The following NPAS1 variants were observed in gnomAD, a reference collection of about 807,000 sequenced individuals.
The protein encoded by NPAS1 is neuronal PAS domain protein 1, also known as neuronal PAS domain-containing protein 1.
A neutral mutation model predicts 49.2 loss-of-function variants in NPAS1; 29 were observed. That is an observed-to-expected ratio of 0.59 (90% CI 0.44 to 0.80). NPAS1 has a LOEUF of 0.80. Ranked by LOEUF, NPAS1 falls within the 30% of genes least tolerant of loss-of-function variation. The pLI is 0.00. For synonymous variants in NPAS1, 408 were observed against 380.4 expected (o/e 1.07, Z -0.84); for missense variants, 825 against 835.5 (o/e 0.99, Z 0.15).
chr19:47,040,987 AG>A lies in NPAS1; in HGVS notation c.1082del (p.Gly361ValfsTer3). On this transcript the variant is annotated frameshift_variant, in exon 10 of 12. Coordinates refer to ENST00000602212, the MANE Select transcript of NPAS1 (RefSeq NM_002517.4). LOFTEE classifies it high-confidence loss of function. ...CCTGGGCTGGGCCCAGTGCTGGACAAGGGTCAGGTGATGACTGGTTACTACC... is the reference window on the plus strand; with the variant it reads ...CCTGGGCTGGGCCCAGTGCTGGACAAGGTCAGGTGATGACTGGTTACTACC... ...IRQSHVDLLD[K>X]GQVMTGYYRW... The A allele has an allele frequency of 6.7e-7, 1 of 1,499,416 alleles. No individual in the cohort carries two copies. Among genetic ancestry groups the A allele is most frequent in the Non-Finnish European group, 8.9e-7 (1 of 1,123,012 alleles). 92.9% of individuals were successfully genotyped at this position (1,499,416 alleles called of 1,614,324 possible). A position where few individuals can be genotyped will look rare whatever the true frequency, so the allele number is the denominator to read the frequency against.
chr19:47,026,965 A>G (rs186012229), intron 3 of NPAS1, among the ~76,000 whole-genome samples: 218 of 151,926 alleles, frequency 1.4e-3, no homozygotes, highest in African/African-American at 4.0e-3. Context: ...AAAAAAAAAA[A>G]AGAGAGAGAG....
At chr19:47,043,045 G>T in intron 11 of NPAS1, 141 bp downstream of exon 11, 2 of 568,542 alleles carry the variant, frequency 3.5e-6, no homozygotes, top group South Asian at 6.2e-5. Flanking sequence ...GGTGGCTCAC[G>T]CCTGTAATCC....
At chr19:47,027,263 G>C (rs191289387) in intron 3 of NPAS1, among the ~76,000 whole-genome samples, 201 of 152,278 alleles carry the variant, frequency 1.3e-3, no homozygotes, top group African/African-American at 4.4e-3. Context: ...AGTTGAGAAG[G>C]GCAGGTGACG....
chr19:47,024,966 C>T (rs540859768), intron 3 of NPAS1, among the ~76,000 whole-genome samples: 8 of 151,868 alleles, frequency 5.3e-5, no homozygotes, highest in Admixed American at 1.3e-4. Flanking sequence ...CCTGCCACCG[C>T]GCCTGGCTAA....
chr19:47,043,035 G>A (rs964590239), intron 11 of NPAS1, 131 bp downstream of exon 11: 23 of 629,714 alleles, frequency 3.7e-5, no homozygotes, highest in Admixed American at 4.2e-5. Context: ...AGGCCGGTGC[G>A]GTGGCTCACG....
In NPAS1 at chr19:47,037,202, A is replaced by G. The variant is rs916414420; in HGVS notation, c.688+1073A>G. On this transcript the variant is annotated intron_variant, in intron 6 of 11. Transcript: ENST00000602212. ...CCCCATCTCTACTAAAAATACAAAA[A>G]TTAGCCGGGCGTGGTGCAGGTGCCT... Among the ~76,000 whole-genome samples the G allele has an allele frequency of 4.9e-4, 75 of 151,626 alleles. 3 individuals are homozygous for G. The highest frequency in any genetic ancestry group is 1.3e-4 in the Non-Finnish European group (9 of 67,922).
At chr19:47,035,919 G>T (rs1195520178) in intron 5 of NPAS1, 45 bp from the exon 6 acceptor site, 2 of 1,464,682 alleles carry the variant, frequency 1.4e-6, no homozygotes, top group Non-Finnish European at 1.8e-6. Context: ...GAGTTACTGC[G>T]CGCGCACCTC....
chr19:47,027,465 C>T lies in NPAS1; in HGVS notation c.359-4813C>T, dbSNP rs185564193. Reference sequence around the variant, plus strand: ...TCCCTTCTCTCTGCCCCTGGTCTCCCGTCTCTCTGCCCCTGGTCTCCCGTC... The same window carrying T: ...TCCCTTCTCTCTGCCCCTGGTCTCCTGTCTCTCTGCCCCTGGTCTCCCGTC... On this transcript the variant is annotated intron_variant, in intron 3 of 11. Coordinates refer to ENST00000602212, the MANE Select transcript of NPAS1 (RefSeq NM_002517.4). Among the ~76,000 whole-genome samples the T allele has an allele frequency of 2.4e-3, 293 of 121,246 alleles. 11 individuals are homozygous for T. The highest frequency in any genetic ancestry group is 9.4e-3 in the African/African-American group (283 of 30,154). 79.5% of individuals were successfully genotyped at this position (121,246 alleles called of 152,430 possible).
At chr19:47,040,825 C>T in intron 9 of NPAS1, 153 bp from the exon 10 acceptor site, 1 of 692,172 alleles carries the variant, frequency 1.4e-6, no homozygotes. Context: ...CTGACTCTGC[C>T]TCTCTGTGCT....
chr19:47,027,895 A>T (rs2056884396), intron 3 of NPAS1, among the ~76,000 whole-genome samples: 1 of 152,038 alleles, frequency 6.6e-6, no homozygotes, highest in Admixed American at 6.6e-5. Context: ...AATGTGGGGG[A>T]CAGAGGAGTG....
chr19:47,036,677 G>T (rs2056959573), intron 6 of NPAS1, among the ~76,000 whole-genome samples: 1 of 149,972 alleles, frequency 6.7e-6, no homozygotes, highest in Admixed American at 6.7e-5. Flanking sequence ...TTTGAGACCA[G>T]CCTGGCTTGC....
At chr19:47,034,696 G>A (rs899292466) in intron 5 of NPAS1, among the ~76,000 whole-genome samples, 7 of 151,874 alleles carry the variant, frequency 4.6e-5, no homozygotes, top group African/African-American at 1.7e-4. Context: ...GGGCAACATG[G>A]CGAAACCCAG....
At chr19:47,022,192 C>T (rs552663458) in intron 3 of NPAS1, among the ~76,000 whole-genome samples, 75 of 152,332 alleles carry the variant, frequency 4.9e-4, no homozygotes, top group African/African-American at 1.7e-3. Flanking sequence ...AGGGGACTCA[C>T]CCTGGCTTGG....
intron 3 of NPAS1, among the ~76,000 whole-genome samples, chr19:47,026,758 A>C (rs933442375): frequency 1.2e-4 from 19 of 152,158 alleles, no homozygotes; most frequent in African/African-American, 4.1e-4. Context: ...AGTTCAAGAC[A>C]AGCCTGACCA....
chr19:47,045,583 T>C lies in NPAS1; in HGVS notation c.1705T>C (p.Phe569Leu). 2 of 1,482,492 alleles carry C rather than the reference T, an allele frequency of 1.3e-6. No homozygotes were observed. Among genetic ancestry groups the C allele is most frequent in the East Asian group, 2.6e-5 (1 of 38,696 alleles). The allele number at this position is 1,482,492 out of a possible 1,614,324, so 91.8% of individuals were successfully genotyped here. ...LGPGPALPEA[F>L]YPPLGLPYPG... ...TCCGGGCCCCGCGCTCCCGGAGGCC[T>C]TTTACCCGCCCCTGGGCCTGCCCTA... Residue 569 changes from phenylalanine to leucine, a missense_variant, in exon 12 of 12, where the codon TTT becomes CTT. Coordinates refer to ENST00000602212, the MANE Select transcript of NPAS1 (RefSeq NM_002517.4).
chr19:47,020,588 G>A, intron 1 of NPAS1, among the ~76,000 whole-genome samples: 1 of 151,646 alleles, frequency 6.6e-6, no homozygotes, highest in East Asian at 1.9e-4. Flanking sequence ...GATGGGCTTG[G>A]GGGGCGGGTC....
chr19:47,020,784 C>T, intron 1 of NPAS1: 1 of 267,598 alleles, frequency 3.7e-6, no homozygotes, highest in Non-Finnish European at 6.9e-6. Flanking sequence ...CGCTGGCGGG[C>T]GGCGCGGGGG....
chr19:47,032,350 A>T lies in NPAS1; in HGVS notation c.431A>T (p.Gln144Leu), dbSNP rs2056912081. ...CAGCACCTGGGAGGTCACATCTTGCAGGTGAGTGAGGCCCCTTCCCTGCCT... is the reference window on the plus strand; with the variant it reads ...CAGCACCTGGGAGGTCACATCTTGCTGGTGAGTGAGGCCCCTTCCCTGCCT... ...FEQHLGGHIL[Q>L]SLDGFVFALN... is the part of the protein sequence containing the mutation. The change falls in exon 4 of 12, where the codon CAG (glutamine) becomes CTG (leucine). Residue 144 changes from glutamine (Q) to leucine (L), a missense_variant and splice_region_variant. Transcript: ENST00000602212. The T allele has an allele frequency of 6.2e-7, 1 of 1,613,854 alleles. No individual in the cohort carries two copies. Among genetic ancestry groups the T allele is most frequent in the South Asian group, 1.1e-5 (1 of 91,084 alleles).
intron 6 of NPAS1, among the ~76,000 whole-genome samples, chr19:47,038,321 A>C (rs1453232342): frequency 6.6e-6 from 1 of 152,186 alleles, no homozygotes; most frequent in Non-Finnish European, 1.5e-5. Flanking sequence ...GATTGAGACC[A>C]TCCTGGCCAA....
Sources: allele counts gnomAD v4.1 joint callset (sites outside exome capture counted in the v4.1 genomes callset), GRCh38; gene constraint gnomAD v4.1.1; transcripts MANE v1.5; gene names NCBI Gene and HGNC (gene_info 2026-07-23, HGNC 2026-07-21).